IKZF3: variants seen among roughly 807,000 people sequenced by gnomAD.
IKZF3 encodes the protein zinc finger protein Aiolos.
A neutral mutation model predicts 49.0 loss-of-function variants in IKZF3; 10 were observed. That is an observed-to-expected ratio of 0.20 (90% CI 0.13 to 0.35). The LOEUF is 0.35. IKZF3 is among the 10% of genes least tolerant of loss of function. IKZF3 has a pLI of 1.00. For missense variants in IKZF3, 498 were observed against 664.8 expected, an observed-to-expected ratio of 0.75 and a Z score of 2.76; for synonymous variants, 209 against 228.2, an observed-to-expected ratio of 0.92 and a Z score of 0.76.
At chr17:39,851,059 A>G (rs1023265551) in intron 1 of IKZF3, among the ~76,000 whole-genome samples, 11 of 143,158 alleles carry the variant, frequency 7.7e-5, no homozygotes, top group South Asian at 2.2e-4. Flanking sequence ...TACTATGTGT[A>G]TATATATATA....
At chr17:39,783,609 C>T (rs1242296369) in intron 6 of IKZF3, among the ~76,000 whole-genome samples, 4 of 152,210 alleles carry the variant, frequency 2.6e-5, no homozygotes, top group Non-Finnish European at 5.9e-5. Context: ...CGTGAGCCAC[C>T]GCGCCCGGCC....
chr17:39,798,764 C>T (rs577932815), intron 3 of IKZF3, among the ~76,000 whole-genome samples: 45 of 152,254 alleles, frequency 3.0e-4, no homozygotes, highest in Non-Finnish European at 6.0e-4. Context: ...CTCGGCCTCC[C>T]AAAGTGCTGG....
chr17:39,827,385 C>T (rs148422208), intron 3 of IKZF3, among the ~76,000 whole-genome samples: 1 of 152,104 alleles, frequency 6.6e-6, no homozygotes, highest in Admixed American at 6.5e-5. Context: ...CCTCAACCTC[C>T]CAGGCTCAAG....
intron 3 of IKZF3, among the ~76,000 whole-genome samples, chr17:39,828,980 G>A (rs182692801): frequency 2.0e-4 from 30 of 151,928 alleles, no homozygotes; most frequent in Non-Finnish European, 3.5e-4. Context: ...TGGCCTGGGC[G>A]ACAAAGTGAA....
intron 1 of IKZF3, among the ~76,000 whole-genome samples, chr17:39,846,858 A>G (rs2062647978): frequency 6.6e-6 from 1 of 152,044 alleles, no homozygotes; most frequent in African/African-American, 2.4e-5. Flanking sequence ...AGTAGGAAGT[A>G]TAAGCACTAA....
At chr17:39,768,643 A>G (rs532561342) in intron 7 of IKZF3, among the ~76,000 whole-genome samples, 4 of 152,282 alleles carry the variant, frequency 2.6e-5, no homozygotes, top group African/African-American at 9.6e-5. Context: ...AGATAATTGT[A>G]TGTACCTCAC....
chr17:39,841,182 A>C (rs1568048801), intron 1 of IKZF3, among the ~76,000 whole-genome samples: 1 of 151,932 alleles, frequency 6.6e-6, no homozygotes. Context: ...CTGGAACAAA[A>C]AAAAAAAGGC....
At chr17:39,804,210 G>T (rs2061385738) in intron 3 of IKZF3, among the ~76,000 whole-genome samples, 1 of 152,116 alleles carries the variant, frequency 6.6e-6, no homozygotes, top group Non-Finnish European at 1.5e-5. Flanking sequence ...ACTTTGGGAG[G>T]CCAAGGCGGG....
At chr17:39,818,037 C>A (rs2061716335) in intron 3 of IKZF3, among the ~76,000 whole-genome samples, 1 of 152,146 alleles carries the variant, frequency 6.6e-6, no homozygotes, top group Non-Finnish European at 1.5e-5. Context: ...GACAGTATGG[C>A]CTACTACAAA....
At chr17:39,791,640 C>T (rs2061025016) in intron 4 of IKZF3, 57 bp from the exon 5 acceptor site, 1 of 1,547,424 alleles carries the variant, frequency 6.5e-7, no homozygotes. Flanking sequence ...GAAACATATG[C>T]ACAGATTAGA....
Position 39,788,300 on chromosome 17 carries a change from G to A in IKZF3, c.667C>T (p.Arg223Cys). The change falls in exon 6 of 8, where the codon CGC becomes TGC. Residue 223 changes from arginine to cysteine, a missense_variant. This residue lies in a region of IKZF3 where 317 missense variants were observed against 397.3 expected (regional missense o/e 0.80). Transcript: ENST00000346872. Reference sequence around the variant, plus strand: ...GTGCTCTGAAGAAATGTACGGCAGCGCTCCTTGTGCTCCTCAAGGGAACTT... The same window carrying A: ...GTGCTCTGAAGAAATGTACGGCAGCACTCCTTGTGCTCCTCAAGGGAACTT... ...QRSSLEEHKE[R>C]CRTFLQSTDP... 4 of 1,613,644 alleles carry A rather than the reference G, an allele frequency of 2.5e-6. No individual in the cohort carries two copies. The highest frequency in any genetic ancestry group is 2.2e-5 in the East Asian group (1 of 44,866).
chr17:39,834,676 T>A (rs890968570), intron 1 of IKZF3, among the ~76,000 whole-genome samples: 1 of 152,210 alleles, frequency 6.6e-6, no homozygotes, highest in Non-Finnish European at 1.5e-5. Context: ...AGTTGAGACA[T>A]ATGTATGTTC....
Position 39,765,409 on chromosome 17 carries a change from T to G in IKZF3, c.*381A>C, listed in dbSNP as rs76072302. The G allele has an allele frequency of 7.8e-3, 1,311 of 168,760 alleles. 20 individuals are homozygous for G. Among genetic ancestry groups the G allele is most frequent in the African/African-American group, 0.03 (1,247 of 41,868 alleles). 10.5% of individuals were successfully genotyped at this position (168,760 alleles called of 1,614,324 possible). A position where few individuals can be genotyped will look rare whatever the true frequency, so the allele number is the denominator to read the frequency against. On this transcript the variant is annotated 3_prime_UTR_variant, in exon 8 of 8. Coordinates refer to ENST00000346872, the MANE Select transcript of IKZF3 (RefSeq NM_012481.5). ...TCAGCTGGTCAGCTCTTCCTCTTTG[T>G]GGATTTGCATGTATGACTGAAAGGC...
Position 39,766,238 on chromosome 17 carries a change from T to G in IKZF3, c.1082A>C (p.Lys361Thr). The change falls in exon 8 of 8, where the codon AAG becomes ACG. Residue 361 changes from lysine to threonine, a missense_variant. This residue lies in a region of IKZF3 where 317 missense variants were observed against 397.3 expected (regional missense o/e 0.80). Coordinates refer to ENST00000346872, the MANE Select transcript of IKZF3 (RefSeq NM_012481.5). ...MSNGAPQELE[K>T]KSIHLPEKSV... Reference sequence around the variant, plus strand: ...CTTCTCTGGAAGGTGGATGCTTTTCTTTTCCAGCTCTTGAGGGGCACCGTT... The same window carrying G: ...CTTCTCTGGAAGGTGGATGCTTTTCGTTTCCAGCTCTTGAGGGGCACCGTT... 6.2e-7 allele frequency: 1 copy of G among 1,614,218 alleles called. No individual in the cohort carries two copies. Among genetic ancestry groups the G allele is most frequent in the Non-Finnish European group, 8.5e-7 (1 of 1,180,038 alleles).
intron 3 of IKZF3, among the ~76,000 whole-genome samples, chr17:39,818,877 G>A (rs1022732255): frequency 3.3e-5 from 5 of 152,120 alleles, no homozygotes; most frequent in South Asian, 2.1e-4. Flanking sequence ...CAAAATTAGC[G>A]TATTCATTTC....
intron 3 of IKZF3, among the ~76,000 whole-genome samples, chr17:39,819,248 C>T (rs2061747415): frequency 6.6e-6 from 1 of 152,106 alleles, no homozygotes; most frequent in Non-Finnish European, 1.5e-5. Context: ...CCCCTGAACC[C>T]AAAGTAAATT....
At chr17:39,831,166 G>A (rs2062097658) in intron 2 of IKZF3, among the ~76,000 whole-genome samples, 1 of 152,100 alleles carries the variant, frequency 6.6e-6, no homozygotes, top group African/African-American at 2.4e-5. Context: ...CGGATCACCT[G>A]AGGTTGGGAG....
chr17:39,785,834 G>C (rs982744151), intron 6 of IKZF3, among the ~76,000 whole-genome samples: 8 of 152,156 alleles, frequency 5.3e-5, no homozygotes, highest in Non-Finnish European at 1.2e-4. Flanking sequence ...TGGATAAATG[G>C]AAAGTGCCAT....
intron 1 of IKZF3, among the ~76,000 whole-genome samples, chr17:39,852,486 T>C (rs989615349): frequency 1.2e-4 from 18 of 152,200 alleles, no homozygotes; most frequent in African/African-American, 4.1e-4. Flanking sequence ...CACTCCTTCA[T>C]GAAATACTCC....
Sources: allele counts gnomAD v4.1 joint callset (sites outside exome capture counted in the v4.1 genomes callset), GRCh38; gene constraint gnomAD v4.1.1; regional missense constraint gnomAD v4.1.1; transcripts MANE v1.5; gene names NCBI Gene and HGNC (gene_info 2026-07-23, HGNC 2026-07-21).